Variants in GRM7 observed in about 807,000 individuals in gnomAD.
GRM7 encodes the protein glutamate metabotropic receptor 7, also known as metabotropic glutamate receptor 7.
In GRM7, 35 loss-of-function variants were observed where a neutral mutation model predicts 84.5. That is an observed-to-expected ratio of 0.41 (90% CI 0.32 to 0.55). The LOEUF (loss-of-function observed/expected upper bound fraction) is 0.55. Ranked by LOEUF, GRM7 falls within the 20% of genes least tolerant of loss-of-function variation. The pLI is 0.19. For missense variants in GRM7, 1,003 were observed against 1,194.6 expected (o/e 0.84, Z 2.36); for synonymous variants, 487 against 455.1 (o/e 1.07, Z -0.89).
chr3:7,226,374 G>T (rs540384588), intron 2 of GRM7, among the ~76,000 whole-genome samples: 1 of 152,196 alleles, frequency 6.6e-6, no homozygotes, highest in South Asian at 2.1e-4. Context: ...GTGTGACTAA[G>T]GGCTCTGGCT....
chr3:7,238,661 C>T (rs78703900), intron 2 of GRM7, among the ~76,000 whole-genome samples: 2,939 of 152,244 alleles, frequency 0.019, 89 homozygotes, highest in African/African-American at 0.068. Flanking sequence ...TCAGGTGGGA[C>T]TGTGGCCAGC....
chr3:6,879,864 G>T (rs1418768344), intron 1 of GRM7, among the ~76,000 whole-genome samples: 1 of 152,174 alleles, frequency 6.6e-6, no homozygotes, highest in Non-Finnish European at 1.5e-5. Flanking sequence ...CCACTAAGTG[G>T]TATCCATGAG....
intron 3 of GRM7, among the ~76,000 whole-genome samples, chr3:7,301,693 T>C (rs1358761737): frequency 6.6e-6 from 1 of 152,196 alleles, no homozygotes; most frequent in Admixed American, 6.5e-5. Flanking sequence ...AACATTATTG[T>C]ATATTGTCAT....
At chr3:7,192,128 G>T (rs1007931119) in intron 2 of GRM7, among the ~76,000 whole-genome samples, 7 of 152,160 alleles carry the variant, frequency 4.6e-5, no homozygotes, top group Admixed American at 4.6e-4. Context: ...GATAGAGAAA[G>T]TTTGAGAAAC....
intron 1 of GRM7, chr3:6,884,196 A>G (rs1695611479): frequency 6.6e-6 from 1 of 152,608 alleles, no homozygotes; most frequent in Non-Finnish European, 1.5e-5. Context: ...TACAGTAGCT[A>G]CCTGTTCTGT....
chr3:6,969,714 G>A (rs972810516), intron 1 of GRM7, among the ~76,000 whole-genome samples: 11 of 152,202 alleles, frequency 7.2e-5, no homozygotes, highest in African/African-American at 2.4e-4. Context: ...TGCCCTGCCT[G>A]CTCCTTCTCT....
chr3:7,494,664 ATTAGG>A (rs1699636615), intron 7 of GRM7, among the ~76,000 whole-genome samples: 1 of 152,100 alleles, frequency 6.6e-6, no homozygotes, highest in African/African-American at 2.4e-5. Flanking sequence ...CTGTTTTTAC[ATTAGG>A]TAAGTTCTGA....
chr3:6,979,506 G>C (rs1489086082), intron 1 of GRM7, among the ~76,000 whole-genome samples: 1 of 152,108 alleles, frequency 6.6e-6, no homozygotes, highest in Non-Finnish European at 1.5e-5. Context: ...AGATTTATCT[G>C]TGAGGATCTC....
chr3:7,265,405 A>G lies in GRM7; in HGVS notation c.737-33279A>G, dbSNP rs553096777. Among the ~76,000 whole-genome samples, 3 of 152,314 alleles carry G rather than the reference A, an allele frequency of 2.0e-5. No homozygotes were observed. The South Asian group carries it at 6.2e-4, about 32-fold the overall frequency. On this transcript the variant is annotated intron_variant, in intron 2 of 9. Coordinates refer to ENST00000357716, the MANE Select transcript of GRM7 (RefSeq NM_000844.4). Reference sequence around the variant, plus strand: ...ATAATTCTCTAAGTTGGATAATATTATTATCCACATCTTGCCCCTGAGTGG... The same window carrying G: ...ATAATTCTCTAAGTTGGATAATATTGTTATCCACATCTTGCCCCTGAGTGG...
intron 1 of GRM7, among the ~76,000 whole-genome samples, chr3:7,075,555 G>C (rs968398171): frequency 1.4e-5 from 2 of 140,856 alleles, no homozygotes; most frequent in African/African-American, 5.5e-5. Context: ...TTTGGAGATG[G>C]AGTCTCACTC....
chr3:6,956,255 C>G (rs942455018), intron 1 of GRM7, among the ~76,000 whole-genome samples: 1 of 152,150 alleles, frequency 6.6e-6, no homozygotes, highest in Non-Finnish European at 1.5e-5. Flanking sequence ...ATTCTGAGGT[C>G]AAGTCTGAAG....
intron 8 of GRM7, among the ~76,000 whole-genome samples, chr3:7,635,663 G>T (rs1698062370): frequency 1.3e-5 from 2 of 152,122 alleles, no homozygotes; most frequent in African/African-American, 4.8e-5. Flanking sequence ...CAAAGTGGCT[G>T]CAAATCTTTT....
At chr3:7,164,151 G>A (rs1404223619) in intron 2 of GRM7, among the ~76,000 whole-genome samples, 1 of 152,134 alleles carries the variant, frequency 6.6e-6, no homozygotes, top group Non-Finnish European at 1.5e-5. Flanking sequence ...TTGAGGCCAG[G>A]AGTTCAAGAC....
At chr3:7,093,836 T>C (rs1280980455) in intron 1 of GRM7, among the ~76,000 whole-genome samples, 2 of 152,268 alleles carry the variant, frequency 1.3e-5, no homozygotes, top group Non-Finnish European at 2.9e-5. Flanking sequence ...TGGAAGCTTT[T>C]ATAGATGTTG....
At chr3:6,876,773 TG>T (rs770457055) in intron 1 of GRM7, among the ~76,000 whole-genome samples, 29 of 152,114 alleles carry the variant, frequency 1.9e-4, no homozygotes, top group Non-Finnish European at 4.0e-4. Flanking sequence ...AGCTAATTTT[TG>T]TATTTTTAAT....
At chr3:6,954,853 G>A (rs538867693) in intron 1 of GRM7, among the ~76,000 whole-genome samples, 25 of 152,304 alleles carry the variant, frequency 1.6e-4, no homozygotes, top group South Asian at 4.1e-4. Context: ...ATAAAGAAGA[G>A]GCAGTAAAAT....
chr3:7,452,635 C>G lies in GRM7; in HGVS notation c.1203C>G (p.Asn401Lys). Residue 401 changes from asparagine to lysine, a missense_variant, in exon 6 of 10, where the codon AAC (asparagine) becomes AAG (lysine). Physicochemically the swap from Asn to Lys is moderately conservative, Grantham distance 94 (BLOSUM62 0). Around this residue, in one of 2 missense-constraint regions of GRM7, gnomAD observed 910 missense variants for 1,126.0 expected, o/e 0.81. Transcript: ENST00000357716. ...AGGAGAGAATTGGAAAAGATTCCAA[C>G]TATGAGCAGGAGGGTAAAGTCCAGT... is the stretch of plus-strand genomic sequence containing the variant. ...TGQERIGKDS[N>K]YEQEGKVQFV... 1 of 1,611,460 alleles carries G rather than the reference C, an allele frequency of 6.2e-7. No individual in the cohort carries two copies. The highest frequency in any genetic ancestry group is 8.5e-7 in the Non-Finnish European group (1 of 1,177,866).
intron 4 of GRM7, among the ~76,000 whole-genome samples, chr3:7,390,798 GGTTGA>G (rs1415870797): frequency 4.6e-5 from 7 of 151,838 alleles, no homozygotes; most frequent in African/African-American, 1.7e-4. Flanking sequence ...TCTTGGGTCT[GGTTGA>G]GTTTTTTTTT....
chr3:6,944,381 T>C (rs1222530582), intron 1 of GRM7, among the ~76,000 whole-genome samples: 3 of 152,160 alleles, frequency 2.0e-5, no homozygotes, highest in African/African-American at 4.8e-5. Context: ...TAGTTTTTTA[T>C]CAGGAATGGA....
Sources: allele counts gnomAD v4.1 joint callset (sites outside exome capture counted in the v4.1 genomes callset), GRCh38; gene constraint gnomAD v4.1.1; regional missense constraint gnomAD v4.1.1; transcripts MANE v1.5; gene names NCBI Gene and HGNC (gene_info 2026-07-23, HGNC 2026-07-21).